Variants in DYRK4 observed in about 807,000 individuals in gnomAD.
DYRK4 encodes dual specificity tyrosine-phosphorylation-regulated kinase 4.
DYRK4 carries 64 observed loss-of-function variants against 68.3 expected under a neutral mutation model. The observed-to-expected ratio is 0.94, with a 90% confidence interval of 0.77 to 1.15. The LOEUF (loss-of-function observed/expected upper bound fraction) is 1.15. Ranked by LOEUF, DYRK4 falls within the 50% of genes most tolerant of loss-of-function variation. DYRK4 has a pLI of 0.00. For synonymous variants in DYRK4, 274 were observed against 289.9 expected, an observed-to-expected ratio of 0.95 and a Z score of 0.56; for missense variants, 740 against 764.7, an observed-to-expected ratio of 0.97 and a Z score of 0.38.
At chr12:4,569,360 A>G (rs925274608) in intron 2 of DYRK4, among the ~76,000 whole-genome samples, 20 of 152,258 alleles carry the variant, frequency 1.3e-4, no homozygotes, top group African/African-American at 4.8e-4. Context: ...ATGTTAAACT[A>G]TGATGCAAAC....
Position 4,591,510 on chromosome 12 carries a change from G to A in DYRK4, c.463+212G>A. On this transcript the variant is annotated intron_variant, in intron 5 of 14. Transcript: ENST00000543431. This position sits in a 1 kb window ranked among gnomAD's most constrained non-coding sequence, Gnocchi z 4.1. ...TAGGAGGCTGAATTTCCCCCAAGGA[G>A]TGGCTCTGGGCAAGGGCGGGATGTA... The A allele has an allele frequency of 1.6e-6, 1 of 629,062 alleles. No individual in the cohort carries two copies. The highest frequency in any genetic ancestry group is 2.6e-6 in the Non-Finnish European group (1 of 388,416). 39.0% of individuals were successfully genotyped at this position (629,062 alleles called of 1,614,324 possible).
At chr12:4,586,254 C>A (rs549613883) in intron 2 of DYRK4, among the ~76,000 whole-genome samples, 1 of 152,160 alleles carries the variant, frequency 6.6e-6, no homozygotes, top group East Asian at 1.9e-4. Flanking sequence ...ATCTCCTGTC[C>A]CCTCTAGAGG....
At chr12:4,601,704 C>T (rs1342110955) in intron 10 of DYRK4, among the ~76,000 whole-genome samples, 2 of 152,114 alleles carry the variant, frequency 1.3e-5, no homozygotes, top group Admixed American at 6.5e-5. Context: ...TCAACTTTTA[C>T]TTTACATATA....
intron 8 of DYRK4, chr12:4,597,065 C>G (rs1190176951): frequency 1.8e-5 from 21 of 1,136,450 alleles, no homozygotes; most frequent in Non-Finnish European, 1.7e-5. Context: ...TTTCCCCACT[C>G]ATTGGCTTTC....
chr12:4,590,452 C>G lies in DYRK4; in HGVS notation c.324+12C>G. On this transcript the variant is annotated intron_variant, in intron 4 of 14. Coordinates refer to ENST00000543431, the MANE Select transcript of DYRK4 (RefSeq NM_001394779.1). The stretch of plus-strand genomic sequence containing the variant: ...CCCTGCTGTATCAGGTGAGTGCAGA[C>G]GGACTGGACCCTGAGAAGGCAGGTG... The G allele has an allele frequency of 6.5e-7, 1 of 1,534,424 alleles. No individual in the cohort carries two copies. The highest frequency in any genetic ancestry group is 8.7e-7 in the Non-Finnish European group (1 of 1,146,350).
At chr12:4,590,018 G>A (rs1456123521) in intron 3 of DYRK4, 1 of 459,268 alleles carries the variant, frequency 2.2e-6, no homozygotes, top group East Asian at 9.2e-5. Context: ...GCCTTATGAG[G>A]TAGGCCCCAT....
chr12:4,610,401 T>A (rs1387557271), intron 13 of DYRK4, 117 bp downstream of exon 13: 2 of 1,093,010 alleles, frequency 1.8e-6, no homozygotes, highest in Non-Finnish European at 2.5e-6. Context: ...CAAGAAATGC[T>A]AACAATAGAG....
At position 4,596,608 on chromosome 12, in the gene DYRK4, A is replaced by G. The variant is rs868709118; in HGVS notation, c.784A>G (p.Met262Val). ...CCTTAGGTTTCACCAGCAGGCCCTG[A>G]TGGAGCTGAAGATCCTGGAAGCTCT... ...NKKRFHQQAL[M>V]ELKILEALRK... The change falls in exon 8 of 15, where the codon ATG becomes GTG. Residue 262 changes from methionine to valine, a missense_variant. Around this residue, in one of 3 missense-constraint regions of DYRK4, gnomAD observed 614 missense variants for 603.7 expected, o/e 1.02. Transcript: ENST00000543431. The G allele has an allele frequency of 2.5e-6, 4 of 1,614,074 alleles. No homozygotes were observed. The Middle Eastern group carries it at 4.9e-4, about 200-fold the overall frequency.
chr12:4,608,947 T>C (rs1945186293), intron 12 of DYRK4, among the ~76,000 whole-genome samples: 1 of 152,192 alleles, frequency 6.6e-6, no homozygotes, highest in South Asian at 2.1e-4. Context: ...ATCCCAAATA[T>C]ACTTTTTCTA....
chr12:4,586,797 G>A (rs1458750361), intron 2 of DYRK4, among the ~76,000 whole-genome samples: 1 of 151,826 alleles, frequency 6.6e-6, no homozygotes, highest in Non-Finnish European at 1.5e-5. Context: ...CCTGTTCATG[G>A]GAAATGAGCA....
intron 6 of DYRK4, among the ~76,000 whole-genome samples, chr12:4,594,516 G>T (rs771985975): frequency 2.0e-5 from 3 of 152,268 alleles, no homozygotes. Context: ...GAGCCACTGC[G>T]CCTGGCTGGG....
chr12:4,580,592 T>C (rs1040001190), intron 2 of DYRK4, among the ~76,000 whole-genome samples: 1 of 152,200 alleles, frequency 6.6e-6, no homozygotes, highest in African/African-American at 2.4e-5. Flanking sequence ...CCTAATTGTC[T>C]AACTAGTTGC....
At chr12:4,605,729 G>GGTTTTTTTTTTTTTTTTTT (rs1491142357) in intron 11 of DYRK4, among the ~76,000 whole-genome samples, 1 of 102,118 alleles carries the variant, frequency 9.8e-6, no homozygotes, top group African/African-American at 3.7e-5. Context: ...ATAGAGCTGG[G>GGTTTTTTTTTTTTTTTTTT]TTTTTTTTTT....
chr12:4,613,383 T>G lies in DYRK4; in HGVS notation c.1667-132T>G. Reference sequence around the variant, plus strand: ...AGAATAATGCCCGGCACATTGGAGGTGCTTTACAAATGAACTGTTTTTATA... The same window carrying G: ...AGAATAATGCCCGGCACATTGGAGGGGCTTTACAAATGAACTGTTTTTATA... On this transcript the variant is annotated intron_variant, in intron 14 of 14. Coordinates refer to ENST00000543431, the MANE Select transcript of DYRK4 (RefSeq NM_001394779.1). This position sits in a 1 kb window ranked among gnomAD's most constrained non-coding sequence, Gnocchi z 4.0. 8.5e-7 allele frequency: 1 copy of G among 1,175,920 alleles called. No individual in the cohort carries two copies. The highest frequency in any genetic ancestry group is 1.7e-5 in the South Asian group (1 of 58,550). 72.8% of individuals were successfully genotyped at this position (1,175,920 alleles called of 1,614,324 possible).
intron 13 of DYRK4, chr12:4,610,671 T>C (rs1028653150): frequency 6.4e-6 from 1 of 156,568 alleles, no homozygotes; most frequent in African/African-American, 2.4e-5. Flanking sequence ...CCTGACTGCT[T>C]GTTGTAATGA....
At chr12:4,580,642 T>C (rs758094217) in intron 2 of DYRK4, among the ~76,000 whole-genome samples, 1 of 152,180 alleles carries the variant, frequency 6.6e-6, no homozygotes. Context: ...TTCTTTCTCC[T>C]GGTCACACCC....
intron 2 of DYRK4, among the ~76,000 whole-genome samples, chr12:4,587,174 C>T (rs1300446902): frequency 1.3e-5 from 2 of 152,168 alleles, no homozygotes; most frequent in African/African-American, 2.4e-5. Flanking sequence ...CTTAGTCTTT[C>T]AGTGCTTTCC....
chr12:4,605,124 G>T, intron 11 of DYRK4, 38 bp downstream of exon 11: 1 of 1,587,910 alleles, frequency 6.3e-7, no homozygotes, highest in East Asian at 2.2e-5. Flanking sequence ...CACGGAGACC[G>T]TGGGCTTGGC....
intron 11 of DYRK4, among the ~76,000 whole-genome samples, chr12:4,606,438 A>G (rs1945152864): frequency 6.6e-6 from 1 of 152,204 alleles, no homozygotes; most frequent in African/African-American, 2.4e-5. Flanking sequence ...TCATTTCATG[A>G]TCGAAACTAA....
Sources: gnomAD v4.1 joint callset for allele counts (sites outside exome capture counted in the v4.1 genomes callset) on GRCh38, gnomAD v4.1.1 for gene constraint, gnomAD v4.1.1 regional missense constraint, Gnocchi (gnomAD v3.1) non-coding constraint, MANE v1.5 for transcripts, NCBI Gene and HGNC (gene_info 2026-07-23, HGNC 2026-07-21) for gene names.